HEATR5A: variants seen among roughly 807,000 people sequenced by gnomAD.
HEATR5A encodes the protein HEAT repeat containing 5A.
HEATR5A carries 178 observed loss-of-function variants against 218.8 expected under a neutral mutation model. That is an observed-to-expected ratio of 0.81 (90% CI 0.72 to 0.92). The LOEUF is 0.92. Ranked by LOEUF, HEATR5A falls within the 40% of genes least tolerant of loss-of-function variation. The probability of loss-of-function intolerance (pLI) is 0.00; values close to 1 mark genes in which losing one functional copy is unlikely to be tolerated. For synonymous variants in HEATR5A, 864 were observed against 871.6 expected (o/e 0.99, Z 0.15); for missense variants, 2,420 against 2,418.9 (o/e 1.00, Z -0.01).
intron 12 of HEATR5A, among the ~76,000 whole-genome samples, chr14:31,373,044 T>A (rs1191629300): frequency 6.6e-6 from 1 of 151,532 alleles, no homozygotes; most frequent in Non-Finnish European, 1.5e-5. Context: ...GCTCAGGTAA[T>A]CCTCCCACCC....
At chr14:31,320,040 G>T (rs1229364739) in intron 25 of HEATR5A, among the ~76,000 whole-genome samples, 2 of 152,012 alleles carry the variant, frequency 1.3e-5, no homozygotes, top group African/African-American at 4.8e-5. Context: ...ACAGAAATCT[G>T]AATCATTTCC....
chr14:31,393,711 A>G (rs187215813), intron 6 of HEATR5A, among the ~76,000 whole-genome samples: 2 of 151,994 alleles, frequency 1.3e-5, no homozygotes, highest in Non-Finnish European at 2.9e-5. Context: ...GAGATTGTGC[A>G]GTGGCGCAAT....
chr14:31,375,468 C>A (rs1471952946), intron 11 of HEATR5A, among the ~76,000 whole-genome samples: 2 of 152,150 alleles, frequency 1.3e-5, no homozygotes, highest in Non-Finnish European at 2.9e-5. Context: ...GATCACAGCT[C>A]ACTGCAATCT....
In HEATR5A at chr14:31,379,237, G is replaced by T. The variant is rs1310423006; in HGVS notation, c.1708+1230C>A. Reference sequence around the variant, plus strand: ...TGCTAGGATTACGGCGTGAGCCACTGCGCCCGAACTATTCATTTTTTGTTT... The same window carrying T: ...TGCTAGGATTACGGCGTGAGCCACTTCGCCCGAACTATTCATTTTTTGTTT... On this transcript the variant is annotated intron_variant, in intron 11 of 35. Coordinates refer to ENST00000543095, the MANE Select transcript of HEATR5A (RefSeq NM_015473.4). 2.1e-5 allele frequency among the ~76,000 whole-genome samples: 3 copies of T among 142,830 alleles called. No individual in the cohort carries two copies. The East Asian group carries it at 6.5e-4, about 31-fold the overall frequency. The allele number at this position is 142,830 out of a possible 152,430, so 93.7% of individuals were successfully genotyped here.
chr14:31,392,896 A>C (rs79083978), intron 6 of HEATR5A, among the ~76,000 whole-genome samples: 2,323 of 152,300 alleles, frequency 0.015, 150 homozygotes, highest in Admixed American at 0.11. Flanking sequence ...TCCTTAGAGA[A>C]ATGGCTAATT....
rs1374227582 is a variant in HEATR5A at position 31,292,073 on chromosome 14, T to C, written c.*1232A>G. The C allele has an allele frequency of 6.6e-6, 1 of 152,154 alleles. No homozygotes were observed. The highest frequency in any genetic ancestry group is 1.5e-5 in the Non-Finnish European group (1 of 68,026). 9.4% of individuals were successfully genotyped at this position (152,154 alleles called of 1,614,324 possible). A position where few individuals can be genotyped will look rare whatever the true frequency, so the allele number is the denominator to read the frequency against. On this transcript the variant is annotated 3_prime_UTR_variant, in exon 36 of 36. Coordinates refer to ENST00000543095, the MANE Select transcript of HEATR5A (RefSeq NM_015473.4). Reference sequence around the variant, plus strand: ...GAGAATCAACAATCATGAACACAGTTAAAAAATATTTTTCAACCAATATGA... The same window carrying C: ...GAGAATCAACAATCATGAACACAGTCAAAAAATATTTTTCAACCAATATGA...
At position 31,359,007 on chromosome 14, in the gene HEATR5A, C is replaced by A; in HGVS notation, c.2122G>T (p.Asp708Tyr). The stretch of plus-strand genomic sequence containing the variant: ...AATGTAGATGCTGCCACCTGAATAT[C>A]AGGGGCAGTCAAGTCAGCAGCCAGC... The part of the protein sequence containing the change: ...RELAADLTAP[D>Y]IQVAASTFLL... The change falls in exon 15 of 36, where the codon GAT (aspartate) becomes TAT (tyrosine). Residue 708 changes from aspartate to tyrosine, a missense_variant. Physicochemically the swap from Asp to Tyr is radical, Grantham distance 160. Transcript: ENST00000543095. 6.3e-7 allele frequency: 1 copy of A among 1,587,294 alleles called. No individual in the cohort carries two copies. Among genetic ancestry groups the A allele is most frequent in the Non-Finnish European group, 8.5e-7 (1 of 1,173,820 alleles).
Position 31,314,742 on chromosome 14 carries a change from A to G in HEATR5A, c.4218+1028T>C, listed in dbSNP as rs1268065323. 2.0e-5 allele frequency among the ~76,000 whole-genome samples: 3 copies of G among 152,230 alleles called. No individual in the cohort carries two copies. The East Asian group carries it at 5.8e-4, about 29-fold the overall frequency. The stretch of plus-strand genomic sequence containing the variant: ...ATCTAGGCACAACTACTTCCTAATG[A>G]AGGTTGTGCTAAATAATGACAAAAA... On this transcript the variant is annotated intron_variant, in intron 27 of 35. Transcript: ENST00000543095.
intron 11 of HEATR5A, 74 bp downstream of exon 11, chr14:31,380,393 A>G (rs922316392): frequency 2.2e-6 from 2 of 920,882 alleles, no homozygotes; most frequent in African/African-American, 3.3e-5. Context: ...ATTTCATCAA[A>G]TCACATATAA....
intron 28 of HEATR5A, among the ~76,000 whole-genome samples, chr14:31,312,623 T>C (rs1384244195): frequency 6.6e-6 from 1 of 152,078 alleles, no homozygotes; most frequent in Admixed American, 6.6e-5. Context: ...ATGTTGGCCA[T>C]GCTGGTCTCG....
chr14:31,372,646 T>C (rs1316017316), intron 12 of HEATR5A, among the ~76,000 whole-genome samples: 1 of 152,056 alleles, frequency 6.6e-6, no homozygotes, highest in Non-Finnish European at 1.5e-5. Flanking sequence ...CTGACCAACA[T>C]GGAGAACCCC....
Position 31,395,336 on chromosome 14 carries a change from A to C in HEATR5A, c.460T>G (p.Tyr154Asp). Residue 154 changes from tyrosine (Y) to aspartate (D), a missense_variant, in exon 5 of 36, where the codon TAT becomes GAT. Transcript: ENST00000543095. ...AMKSAESQGR[Y>D]EIMLSLQNIL... is the part of the protein sequence containing the mutation. ...TTTTGCAGACTTAGCATAATCTCAT[A>C]TCGGCCTTGAGACTTCCAAAAAGAA... 2 of 1,517,816 alleles carry C rather than the reference A, an allele frequency of 1.3e-6. No homozygotes were observed. The highest frequency in any genetic ancestry group is 1.8e-6 in the Non-Finnish European group (2 of 1,134,794). 94.0% of individuals were successfully genotyped at this position (1,517,816 alleles called of 1,614,324 possible).
chr14:31,318,403 G>T (rs1595091322), intron 25 of HEATR5A, 111 bp from the exon 26 acceptor site: 101 of 843,268 alleles, frequency 1.2e-4, no homozygotes, highest in Middle Eastern at 2.7e-4. Context: ...ATTATGGACA[G>T]CTGTTGTTTT....
intron 22 of HEATR5A, among the ~76,000 whole-genome samples, chr14:31,332,150 A>G (rs1900494572): frequency 6.6e-6 from 1 of 152,262 alleles, no homozygotes; most frequent in Non-Finnish European, 1.5e-5. Flanking sequence ...TGTTCACTGC[A>G]TAATTCTTTT....
chr14:31,386,335 A>C (rs2030219944), intron 9 of HEATR5A, 85 bp downstream of exon 9: 1 of 954,744 alleles, frequency 1.0e-6, no homozygotes, highest in Non-Finnish European at 1.5e-6. Context: ...AATGGAATCT[A>C]TAAGTAAGCT....
At chr14:31,307,478 C>T in intron 30 of HEATR5A, among the ~76,000 whole-genome samples, 1 of 152,068 alleles carries the variant, frequency 6.6e-6, no homozygotes, top group East Asian at 1.9e-4. Context: ...AGAACTTAGC[C>T]AACAGGAATA....
chr14:31,318,644 C>T (rs778999129), intron 25 of HEATR5A, among the ~76,000 whole-genome samples: 27 of 152,198 alleles, frequency 1.8e-4, no homozygotes, highest in Non-Finnish European at 3.7e-4. Context: ...GTGCCTGCCA[C>T]CGCAACCAGC....
chr14:31,366,899 A>C (rs942011703), intron 13 of HEATR5A, among the ~76,000 whole-genome samples: 1 of 152,218 alleles, frequency 6.6e-6, no homozygotes, highest in African/African-American at 2.4e-5. Context: ...CAAACTAGGA[A>C]TAGGAGGTTA....
At chr14:31,308,253 A>T (rs1899617756) in intron 29 of HEATR5A, among the ~76,000 whole-genome samples, 2 of 152,196 alleles carry the variant, frequency 1.3e-5, no homozygotes, top group Admixed American at 1.3e-4. Context: ...CACACCTGTA[A>T]TCCCAGCACT....
Sources: allele counts gnomAD v4.1 joint callset (sites outside exome capture counted in the v4.1 genomes callset), GRCh38; gene constraint gnomAD v4.1.1; transcripts MANE v1.5; gene names NCBI Gene and HGNC (gene_info 2026-07-23, HGNC 2026-07-21).